C10orf71: variants seen among roughly 807,000 people sequenced by gnomAD.
The protein encoded by C10orf71 is cardiac-enriched FHL2-interacting protein.
For missense variants in C10orf71, 1,869 were observed against 1,804.5 expected, an observed-to-expected ratio of 1.04 and a Z score of -0.65; for synonymous variants, 758 against 726.3, an observed-to-expected ratio of 1.04 and a Z score of -0.70.
chr10:49,313,778 G>A (rs1363329887), intron 1 of C10orf71, among the ~76,000 whole-genome samples: 2 of 152,206 alleles, frequency 1.3e-5, no homozygotes. Context: ...AAGGCTCATG[G>A]ACTCTGCTTT....
At chr10:49,310,836 G>A (rs183869042) in intron 1 of C10orf71, among the ~76,000 whole-genome samples, 2 of 151,680 alleles carry the variant, frequency 1.3e-5, no homozygotes, top group East Asian at 3.9e-4. Flanking sequence ...AAGAAGAGGA[G>A]GAAGTCGTCG....
chr10:49,323,560 G>A lies in C10orf71; in HGVS notation c.1015G>A (p.Ala339Thr), dbSNP rs767466362. 1.9e-6 allele frequency: 3 copies of A among 1,604,988 alleles called. No individual in the cohort carries two copies. Among genetic ancestry groups the A allele is most frequent in the South Asian group, 1.1e-5 (1 of 90,082 alleles). Residue 339 changes from alanine (A) to threonine (T), a missense_variant, in exon 3 of 3, where the codon GCA becomes ACA. Coordinates refer to ENST00000374144, the MANE Select transcript of C10orf71 (RefSeq NM_001135196.2). ...ASCSQEENRL[A>T]AGALSTSIPW... ...CTGCAGTCAGGAAGAGAACAGACTTGCAGCAGGGGCTCTGTCCACATCTAT... is the reference window on the plus strand; with the variant it reads ...CTGCAGTCAGGAAGAGAACAGACTTACAGCAGGGGCTCTGTCCACATCTAT...
chr10:49,315,599 G>A (rs1379016172), intron 1 of C10orf71, among the ~76,000 whole-genome samples: 1 of 152,180 alleles, frequency 6.6e-6, no homozygotes, highest in Non-Finnish European at 1.5e-5. Flanking sequence ...GCTTAAAAGA[G>A]GTTTCTAAAA....
intron 1 of C10orf71, among the ~76,000 whole-genome samples, chr10:49,303,561 C>T (rs1033729638): frequency 3.3e-5 from 5 of 152,178 alleles, no homozygotes; most frequent in African/African-American, 1.2e-4. Flanking sequence ...AAGCCAGCCC[C>T]GAGGGCATTC....
rs774837674 is a variant in C10orf71, at chr10:49,324,224, G to T, written c.1679G>T (p.Arg560Ile). The T allele has an allele frequency of 6.2e-7, 1 of 1,613,916 alleles. No individual in the cohort carries two copies. The highest frequency in any genetic ancestry group is 8.5e-7 in the Non-Finnish European group (1 of 1,179,864). ...ESPPNELSKE[R>I]PADDPTASHI... ...CCTCCAAATGAGCTTTCTAAGGAGAGACCCGCTGATGACCCCACTGCATCA... is the reference window on the plus strand; with the variant it reads ...CCTCCAAATGAGCTTTCTAAGGAGATACCCGCTGATGACCCCACTGCATCA... Residue 560 changes from arginine (R) to isoleucine (I), a missense_variant, in exon 3 of 3, where the codon AGA becomes ATA. Coordinates refer to ENST00000374144, the MANE Select transcript of C10orf71 (RefSeq NM_001135196.2).
At chr10:49,308,235 A>C (rs1564683790) in intron 1 of C10orf71, among the ~76,000 whole-genome samples, 1 of 152,218 alleles carries the variant, frequency 6.6e-6, no homozygotes. Context: ...TACCTGCTAC[A>C]AGATTTAGAG....
intron 1 of C10orf71, among the ~76,000 whole-genome samples, chr10:49,309,174 G>A (rs1848868447): frequency 6.6e-6 from 1 of 152,310 alleles, no homozygotes; most frequent in South Asian, 2.1e-4. Context: ...AGTAAATTTT[G>A]CCATTTCACT....
At chr10:49,303,105 C>T (rs1299562679) in intron 1 of C10orf71, among the ~76,000 whole-genome samples, 3 of 152,124 alleles carry the variant, frequency 2.0e-5, no homozygotes, top group African/African-American at 7.2e-5. Flanking sequence ...CCAGCTTGGG[C>T]CTATACCTTC....
intron 1 of C10orf71, among the ~76,000 whole-genome samples, chr10:49,312,383 G>A (rs968384715): frequency 2.0e-5 from 3 of 152,226 alleles, no homozygotes; most frequent in Admixed American, 1.3e-4. Context: ...GGAAGTGCTG[G>A]AGGTCTGCAG....
At chr10:49,311,733 G>A in intron 1 of C10orf71, among the ~76,000 whole-genome samples, 1 of 152,218 alleles carries the variant, frequency 6.6e-6, no homozygotes, top group Admixed American at 6.5e-5. Context: ...AGACATTCCA[G>A]GAAGAGGGAC....
At chr10:49,310,303 C>T (rs1025241705) in intron 1 of C10orf71, among the ~76,000 whole-genome samples, 3 of 152,164 alleles carry the variant, frequency 2.0e-5, no homozygotes, top group African/African-American at 7.2e-5. Flanking sequence ...GAAATGAAAC[C>T]CTCGTTTTCT....
intron 2 of C10orf71, among the ~76,000 whole-genome samples, chr10:49,318,990 C>T (rs1411357975): frequency 6.6e-6 from 1 of 152,206 alleles, no homozygotes; most frequent in Non-Finnish European, 1.5e-5. Flanking sequence ...TGACTAAGGC[C>T]AGCCAAGCAA....
At chr10:49,318,011 C>T (rs1849028457) in intron 2 of C10orf71, among the ~76,000 whole-genome samples, 5 of 152,162 alleles carry the variant, frequency 3.3e-5, no homozygotes. Context: ...CATAAGGAAC[C>T]AACCTTGTGA....
rs1282855785 is a variant in C10orf71, at chr10:49,325,830, A to G, written c.3285A>G (p.Gln1095=). ...AGCTGCTTCCCGAGGAGCCTAATCA[A>G]GCCAGCCCCTGGGCCAGCTCCAGTC... ...GPELLPEEPN[Q]ASPWASSSPA... is the part of the protein sequence containing the mutation. The change falls in exon 3 of 3, where the codon CAA becomes CAG. Residue 1095 remains glutamine, a synonymous_variant. Transcript: ENST00000374144. 2 of 1,551,410 alleles carry G rather than the reference A, an allele frequency of 1.3e-6. No homozygotes were observed. The highest frequency in any genetic ancestry group is 1.7e-6 in the Non-Finnish European group (2 of 1,146,846).
chr10:49,298,534 G>A (rs1263173097), upstream of C10orf71, among the ~76,000 whole-genome samples: 2 of 152,192 alleles, frequency 1.3e-5, no homozygotes, highest in African/African-American at 4.8e-5. Context: ...AGCAGCCATT[G>A]GGAAGGCAGG....
At chr10:49,305,600 T>C (rs1053188125) in intron 1 of C10orf71, among the ~76,000 whole-genome samples, 2 of 152,234 alleles carry the variant, frequency 1.3e-5, no homozygotes, top group South Asian at 4.1e-4. Context: ...ATGCTAGGCA[T>C]AGGCACTGTG....
At chr10:49,316,462 A>G (rs1849001151) in intron 2 of C10orf71, among the ~76,000 whole-genome samples, 1 of 152,154 alleles carries the variant, frequency 6.6e-6, no homozygotes, top group African/African-American at 2.4e-5. Flanking sequence ...AGGCAGAAGT[A>G]ATGTGGTTAT....
chr10:49,299,821 C>A (rs1444749921), intron 1 of C10orf71, among the ~76,000 whole-genome samples: 1 of 152,194 alleles, frequency 6.6e-6, no homozygotes, highest in African/African-American at 2.4e-5. Flanking sequence ...GGGAGGCTGG[C>A]TTTCTTAGCT....
chr10:49,323,652 A>G lies in C10orf71; in HGVS notation c.1107A>G (p.Gln369=), dbSNP rs758382540. 6.2e-7 allele frequency: 1 copy of G among 1,609,176 alleles called. No homozygotes were observed. Among genetic ancestry groups the G allele is most frequent in the Non-Finnish European group, 8.5e-7 (1 of 1,178,632 alleles). Residue 369 remains glutamine, a synonymous_variant, in exon 3 of 3, where the codon CAA becomes CAG. Transcript: ENST00000374144. ...FAVEGKAPSS[Q]PDSQEKPAQP... ...TGGAAGGAAAAGCTCCCAGCTCACA[A>G]CCTGATTCTCAAGAGAAGCCAGCCC...
Sources: allele counts gnomAD v4.1 joint callset (sites outside exome capture counted in the v4.1 genomes callset), GRCh38; gene constraint gnomAD v4.1.1; transcripts MANE v1.5; gene names NCBI Gene and HGNC (gene_info 2026-07-23, HGNC 2026-07-21).